The following MGAT4C variants were observed in gnomAD, a reference collection of about 807,000 sequenced individuals.
MGAT4C encodes the protein alpha-1,3-mannosyl-glycoprotein 4-beta-N-acetylglucosaminyltransferase C.
In MGAT4C, 19 loss-of-function variants were observed where a neutral mutation model predicts 40.1. That is an observed-to-expected ratio of 0.47 (90% CI 0.33 to 0.70). The LOEUF (loss-of-function observed/expected upper bound fraction) is 0.70, where lower values mean the gene tolerates loss of function less well. MGAT4C is among the 30% of genes least tolerant of loss of function. MGAT4C has a pLI of 0.02. For synonymous variants in MGAT4C, 181 were observed against 187.1 expected (o/e 0.97, Z 0.27); for missense variants, 491 against 563.2 (o/e 0.87, Z 1.30).
intron 3 of MGAT4C, among the ~76,000 whole-genome samples, chr12:86,392,641 T>C (rs1956179497): frequency 6.6e-6 from 1 of 152,342 alleles, no homozygotes; most frequent in East Asian, 1.9e-4. Flanking sequence ...ATATTTTACC[T>C]GAGTTTTTAA....
chr12:86,363,995 G>A (rs910401849), intron 3 of MGAT4C, among the ~76,000 whole-genome samples: 6 of 142,266 alleles, frequency 4.2e-5, no homozygotes, highest in African/African-American at 1.3e-4. Flanking sequence ...CACACACAGA[G>A]ACACAAACAC....
At chr12:86,095,720 A>G (rs909231901) in intron 1 of MGAT4C, among the ~76,000 whole-genome samples, 13 of 151,194 alleles carry the variant, frequency 8.6e-5, no homozygotes, top group African/African-American at 3.2e-4. Context: ...CATATCATCT[A>G]ATTTGAAGTA....
At chr12:86,617,906 A>G (rs994204949) in intron 2 of MGAT4C, among the ~76,000 whole-genome samples, 1 of 152,168 alleles carries the variant, frequency 6.6e-6, no homozygotes, top group Non-Finnish European at 1.5e-5. Flanking sequence ...AACGTGGTGA[A>G]TGAAAGGAAA....
chr12:86,132,045 T>C (rs1021449570), intron 1 of MGAT4C, among the ~76,000 whole-genome samples: 1 of 152,126 alleles, frequency 6.6e-6, no homozygotes, highest in African/African-American at 2.4e-5. Context: ...AAGAATTTAG[T>C]CTCTCTCTGG....
intron 2 of MGAT4C, among the ~76,000 whole-genome samples, chr12:86,014,446 C>T (rs1888853409): frequency 6.6e-6 from 1 of 152,068 alleles, no homozygotes; most frequent in African/African-American, 2.4e-5. Flanking sequence ...GGTAACAATC[C>T]TGCCTTGCTG....
intron 2 of MGAT4C, among the ~76,000 whole-genome samples, chr12:86,548,044 A>T (rs893945098): frequency 5.3e-5 from 8 of 152,148 alleles, no homozygotes; most frequent in Non-Finnish European, 1.2e-4. Context: ...GGATCTTCAG[A>T]TCATGATACA....
intron 3 of MGAT4C, among the ~76,000 whole-genome samples, chr12:86,370,249 GA>G (rs561604361): frequency 6.1e-4 from 93 of 152,102 alleles, no homozygotes; most frequent in African/African-American, 2.1e-3. Flanking sequence ...TATACATTAT[GA>G]AATGGAAAAA....
chr12:86,356,967 A>C (rs1955328821), intron 3 of MGAT4C, among the ~76,000 whole-genome samples: 1 of 152,198 alleles, frequency 6.6e-6, no homozygotes. Flanking sequence ...AGCTCTGAAC[A>C]GAGTAGTGGT....
At chr12:86,402,796 T>G (rs1020655790) in intron 3 of MGAT4C, among the ~76,000 whole-genome samples, 1 of 152,198 alleles carries the variant, frequency 6.6e-6, no homozygotes, top group African/African-American at 2.4e-5. Context: ...CCTCAAGTAT[T>G]TTGAGAAATT....
At chr12:86,577,523 T>C (rs1474740255) in intron 2 of MGAT4C, among the ~76,000 whole-genome samples, 1 of 151,830 alleles carries the variant, frequency 6.6e-6, no homozygotes, top group African/African-American at 2.4e-5. Flanking sequence ...TAAAGGGACA[T>C]TCTTCAGCAT....
chr12:86,718,243 C>G (rs1284508363), intron 2 of MGAT4C, among the ~76,000 whole-genome samples: 2 of 152,192 alleles, frequency 1.3e-5, no homozygotes, highest in East Asian at 3.9e-4. Context: ...TTTTTCTAAA[C>G]AAACAAACAA....
chr12:86,073,154 A>G (rs556165609), intron 1 of MGAT4C, among the ~76,000 whole-genome samples: 39 of 152,052 alleles, frequency 2.6e-4, no homozygotes, highest in Non-Finnish European at 5.6e-4. Context: ...GTCTCATGAG[A>G]TATGATGGTT....
intron 2 of MGAT4C, among the ~76,000 whole-genome samples, chr12:86,595,342 C>G (rs1363191524): frequency 6.6e-6 from 1 of 152,010 alleles, no homozygotes; most frequent in Non-Finnish European, 1.5e-5. Context: ...ACCAGCCTGG[C>G]CAACATGCTG....
chr12:85,995,762 G>A (rs774510034), intron 2 of MGAT4C, among the ~76,000 whole-genome samples: 3 of 152,068 alleles, frequency 2.0e-5, no homozygotes, highest in Non-Finnish European at 4.4e-5. Context: ...CAGCTACTTG[G>A]GAGACTGAGG....
intron 4 of MGAT4C, among the ~76,000 whole-genome samples, chr12:86,326,060 A>C (rs954891102): frequency 6.6e-6 from 1 of 152,072 alleles, no homozygotes; most frequent in Non-Finnish European, 1.5e-5. Context: ...TACTGATCTG[A>C]GCTTGCCTAT....
chr12:86,544,118 T>C (rs761422780), intron 2 of MGAT4C, among the ~76,000 whole-genome samples: 3 of 152,164 alleles, frequency 2.0e-5, no homozygotes, highest in South Asian at 2.1e-4. Context: ...ACAAGTCACA[T>C]AGCCAAGCCT....
At chr12:86,419,783 G>A (rs1432114623) in intron 3 of MGAT4C, among the ~76,000 whole-genome samples, 1 of 152,156 alleles carries the variant, frequency 6.6e-6, no homozygotes, top group Non-Finnish European at 1.5e-5. Context: ...GTGATAATGT[G>A]AAGGGTGTGT....
intron 4 of MGAT4C, among the ~76,000 whole-genome samples, chr12:86,283,616 C>T (rs139808707): frequency 2.6e-5 from 4 of 152,094 alleles, no homozygotes; most frequent in African/African-American, 9.6e-5. Context: ...ATTTCACATG[C>T]TTAGGCTAAT....
chr12:86,771,656 G>T (rs1388117639), intron 1 of MGAT4C, among the ~76,000 whole-genome samples: 1 of 151,088 alleles, frequency 6.6e-6, no homozygotes, highest in African/African-American at 2.4e-5. Flanking sequence ...AGACCAACTT[G>T]TTTATGTAAA....
Sources: allele counts gnomAD v4.1 joint callset (sites outside exome capture counted in the v4.1 genomes callset), GRCh38; gene constraint gnomAD v4.1.1; transcripts MANE v1.5; gene names NCBI Gene and HGNC (gene_info 2026-07-23, HGNC 2026-07-21).